NXPE2: variants seen among roughly 807,000 people sequenced by gnomAD.
NXPE2 encodes the protein NXPE family member 2.
In NXPE2, 34 loss-of-function variants were observed where a neutral mutation model predicts 34.4. That is an observed-to-expected ratio of 0.99 (90% CI 0.75 to 1.31). The LOEUF (loss-of-function observed/expected upper bound fraction) is 1.31. NXPE2 is among the 40% of genes most tolerant of loss of function. The probability of loss-of-function intolerance (pLI) is 0.00; values close to 1 mark genes in which losing one functional copy is unlikely to be tolerated. For missense variants in NXPE2, 649 were observed against 672.5 expected (o/e 0.97, Z 0.39); for synonymous variants, 235 against 231.3 (o/e 1.02, Z -0.15).
chr11:114,605,007 C>T, the NXPE2 span, among the ~76,000 whole-genome samples: 2 of 151,684 alleles, frequency 1.3e-5, no homozygotes, highest in East Asian at 2.0e-4. Flanking sequence ...AGCATTGCCT[C>T]ACAGGTAACC....
the NXPE2 span, among the ~76,000 whole-genome samples, chr11:114,632,474 T>C: frequency 1.2e-4 from 15 of 128,394 alleles, no homozygotes; most frequent in East Asian, 2.9e-3. Context: ...TTATATATAC[T>C]ATATAATACT....
the NXPE2 span, among the ~76,000 whole-genome samples, chr11:114,719,534 A>G: frequency 0.094 from 14,376 of 152,226 alleles, 2,292 homozygotes; most frequent in African/African-American, 0.32. Context: ...GTCATTGTGC[A>G]CACCTGATGT....
the NXPE2 span, chr11:114,512,898 G>A: frequency 3.2e-5 from 8 of 247,550 alleles, no homozygotes; most frequent in East Asian, 2.2e-4. Context: ...AAACCAGAGC[G>A]CAATCAGTAT....
the NXPE2 span, among the ~76,000 whole-genome samples, chr11:114,656,782 C>T: frequency 1.3e-5 from 2 of 151,776 alleles, no homozygotes; most frequent in South Asian, 4.1e-4. Flanking sequence ...TATAAAATAC[C>T]CTTAAAATAG....
the NXPE2 span, among the ~76,000 whole-genome samples, chr11:114,634,880 T>C: frequency 6.6e-6 from 1 of 152,046 alleles, no homozygotes; most frequent in Non-Finnish European, 1.5e-5. Flanking sequence ...TGTAGTATAG[T>C]TTGAAGTCAG....
At chr11:114,652,276 G>A in the NXPE2 span, among the ~76,000 whole-genome samples, 1 of 152,156 alleles carries the variant, frequency 6.6e-6, no homozygotes, top group Non-Finnish European at 1.5e-5. Flanking sequence ...CATCTGGAAG[G>A]GGAAATGATG....
At chr11:114,778,534 G>A in the NXPE2 span, among the ~76,000 whole-genome samples, 8 of 152,320 alleles carry the variant, frequency 5.3e-5, no homozygotes, top group East Asian at 1.5e-3. Context: ...GAGATGAGAA[G>A]TGACTCTGTA....
chr11:114,699,795 C>G (rs1951331030), intron 3 of NXPE2, among the ~76,000 whole-genome samples: 2 of 81,394 alleles, frequency 2.5e-5, no homozygotes, highest in Admixed American at 3.8e-4. Flanking sequence ...ACCATTCATT[C>G]ATTTTTTTTT....
At chr11:114,786,199 G>A in the NXPE2 span, among the ~76,000 whole-genome samples, 1 of 152,190 alleles carries the variant, frequency 6.6e-6, no homozygotes, top group Non-Finnish European at 1.5e-5. Context: ...GATCCCCGCA[G>A]CAGCAGTTTG....
rs1459208331 is a variant in NXPE2, at chr11:114,706,770, G to A, written c.1520G>A (p.Gly507Asp). The A allele has an allele frequency of 1.9e-6, 3 of 1,552,330 alleles. No individual in the cohort carries two copies. The highest frequency in any genetic ancestry group is 1.7e-6 in the Non-Finnish European group (2 of 1,147,074). ...QNAEMFSDFH[G>D]YIQNLIIRDI... ...GCAGAGATGTTCAGTGACTTTCATGGCTATATTCAGAATCTTATCATAAGA... is the reference window on the plus strand; with the variant it reads ...GCAGAGATGTTCAGTGACTTTCATGACTATATTCAGAATCTTATCATAAGA... The change falls in exon 6 of 6, where the codon GGC becomes GAC. Residue 507 changes from glycine (G) to aspartate (D), a missense_variant. Transcript: ENST00000389586.
At chr11:114,780,660 GA>G in the NXPE2 span, among the ~76,000 whole-genome samples, 1 of 152,058 alleles carries the variant, frequency 6.6e-6, no homozygotes, top group Non-Finnish European at 1.5e-5. Flanking sequence ...TGTAAGAGAA[GA>G]AAAAAACAAC....
chr11:114,616,341 G>GATA, the NXPE2 span, among the ~76,000 whole-genome samples: 63,773 of 149,990 alleles, frequency 0.43, 14,890 homozygotes, highest in African/African-American at 0.59. Context: ...TTACCTGATG[G>GATA]ATAAGTGTTG....
At chr11:114,686,546 C>T (rs111675992) in intron 2 of NXPE2, among the ~76,000 whole-genome samples, 14,844 of 152,172 alleles carry the variant, frequency 0.098, 867 homozygotes, top group Middle Eastern at 0.2. Flanking sequence ...GATTCCATGA[C>T]TTTGCTATTG....
the NXPE2 span, among the ~76,000 whole-genome samples, chr11:114,493,481 G>C: frequency 2.6e-5 from 4 of 152,058 alleles, no homozygotes; most frequent in African/African-American, 9.7e-5. Flanking sequence ...TTGTGTAACT[G>C]TTGTATGTTT....
the NXPE2 span, among the ~76,000 whole-genome samples, chr11:114,761,535 C>T: frequency 9.9e-4 from 149 of 151,044 alleles, no homozygotes; most frequent in Admixed American, 8.2e-3. Context: ...TCATCCTTGC[C>T]CTTTTCCTTG....
downstream of NXPE2, among the ~76,000 whole-genome samples, chr11:114,711,033 A>G (rs1313916153): frequency 2.0e-5 from 3 of 152,146 alleles, no homozygotes; most frequent in African/African-American, 7.2e-5. Flanking sequence ...CATTTGACAA[A>G]ATTTAACATC....
the NXPE2 span, among the ~76,000 whole-genome samples, chr11:114,654,585 T>A: frequency 6.6e-6 from 1 of 152,124 alleles, no homozygotes; most frequent in African/African-American, 2.4e-5. Context: ...TGGCCCTCTG[T>A]TCCTGTGTTA....
the NXPE2 span, chr11:114,580,173 G>C: frequency 6.2e-7 from 1 of 1,613,996 alleles, no homozygotes; most frequent in South Asian, 1.1e-5. Flanking sequence ...CTGGCGGATC[G>C]TGGAATCTCC....
At chr11:114,742,793 C>A in the NXPE2 span, among the ~76,000 whole-genome samples, 1 of 152,038 alleles carries the variant, frequency 6.6e-6, no homozygotes. Context: ...GCAGTGAATT[C>A]TTGAATGTAA....
Sources: gnomAD v4.1 joint callset for allele counts (sites outside exome capture counted in the v4.1 genomes callset) on GRCh38, gnomAD v4.1.1 for gene constraint, MANE v1.5 for transcripts, NCBI Gene and HGNC (gene_info 2026-07-23, HGNC 2026-07-21) for gene names.